The following PRKCE variants were observed in gnomAD, a reference collection of about 807,000 sequenced individuals.
The protein encoded by PRKCE is protein kinase C epsilon.
PRKCE carries 16 observed loss-of-function variants against 85.4 expected under a neutral mutation model. That is an observed-to-expected ratio of 0.19 (90% confidence interval 0.13 to 0.28). The LOEUF is 0.28. PRKCE is among the 10% of genes least tolerant of loss of function. The probability of loss-of-function intolerance (pLI) is 1.00; values close to 1 mark genes in which losing one functional copy is unlikely to be tolerated. For missense variants in PRKCE, 573 were observed against 975.2 expected (o/e 0.59, Z 5.49); for synonymous variants, 388 against 371.5 (o/e 1.04, Z -0.51).
At chr2:45,999,240 C>G (rs776569987) in intron 6 of PRKCE, among the ~76,000 whole-genome samples, 2 of 152,150 alleles carry the variant, frequency 1.3e-5, no homozygotes, top group Non-Finnish European at 2.9e-5. Flanking sequence ...CTCTGAAGAA[C>G]TACTTTTAAC....
At chr2:46,071,142 C>T (rs1294432178) in intron 10 of PRKCE, among the ~76,000 whole-genome samples, 1 of 152,190 alleles carries the variant, frequency 6.6e-6, no homozygotes, top group Non-Finnish European at 1.5e-5. Flanking sequence ...TTGACACCTT[C>T]CCCCTAAATC....
chr2:45,878,457 C>G (rs970732611), intron 2 of PRKCE, among the ~76,000 whole-genome samples: 1 of 152,188 alleles, frequency 6.6e-6, no homozygotes, highest in African/African-American at 2.4e-5. Context: ...TTCACTTGCG[C>G]CTCATCTTTG....
intron 1 of PRKCE, among the ~76,000 whole-genome samples, chr2:45,782,557 C>G (rs375343227): frequency 6.6e-6 from 1 of 152,102 alleles, no homozygotes; most frequent in South Asian, 2.1e-4. Flanking sequence ...TGAATCTAGC[C>G]TCTAGGGAAA....
chr2:45,655,278 T>A (rs1239498089), intron 1 of PRKCE, among the ~76,000 whole-genome samples: 4 of 152,174 alleles, frequency 2.6e-5, no homozygotes, highest in Admixed American at 6.5e-5. Context: ...GTTAGCCACA[T>A]GTGGCCCGGG....
intron 11 of PRKCE, among the ~76,000 whole-genome samples, chr2:46,129,396 T>C (rs1354222767): frequency 1.3e-5 from 2 of 152,218 alleles, no homozygotes; most frequent in Admixed American, 1.3e-4. Context: ...GCATGTACGT[T>C]CACAGCACTT....
At chr2:45,917,197 T>G (rs986618073) in intron 2 of PRKCE, among the ~76,000 whole-genome samples, 1 of 152,108 alleles carries the variant, frequency 6.6e-6, no homozygotes, top group Non-Finnish European at 1.5e-5. Flanking sequence ...ACACAAAAGT[T>G]TTCCACGTCC....
At chr2:46,010,183 C>T (rs1428846377) in intron 9 of PRKCE, among the ~76,000 whole-genome samples, 161 bp from the exon 10 acceptor site, 1 of 152,208 alleles carries the variant, frequency 6.6e-6, no homozygotes, top group African/African-American at 2.4e-5. Context: ...CTACCTCAGC[C>T]TCCCAAGTAT....
chr2:46,001,775 G>A lies in PRKCE; in HGVS notation c.966+229G>A, dbSNP rs755569445. Among the ~76,000 whole-genome samples the A allele has an allele frequency of 2.0e-5, 3 of 152,166 alleles. No individual in the cohort carries two copies. The highest frequency in any genetic ancestry group is 2.9e-5 in the Non-Finnish European group (2 of 68,018). On this transcript the variant is annotated intron_variant, in intron 7 of 14. Transcript: ENST00000306156. This position sits in a 1 kb window ranked among gnomAD's most constrained non-coding sequence, Gnocchi z 4.4. ...AAACACAGCAAGCCTCAAGGGTTACGTTTGCCAAAGAAACATAAACTTTGA... is the reference window on the plus strand; with the variant it reads ...AAACACAGCAAGCCTCAAGGGTTACATTTGCCAAAGAAACATAAACTTTGA...
At chr2:45,743,547 CA>C (rs1435753564) in intron 1 of PRKCE, among the ~76,000 whole-genome samples, 1 of 151,824 alleles carries the variant, frequency 6.6e-6, no homozygotes, top group Non-Finnish European at 1.5e-5. Flanking sequence ...AGAAAGGAAC[CA>C]GGGGGAGCTG....
chr2:45,757,437 C>T (rs1052405180), intron 1 of PRKCE, among the ~76,000 whole-genome samples: 3 of 151,568 alleles, frequency 2.0e-5, no homozygotes, highest in Admixed American at 6.6e-5. Flanking sequence ...GAGGCCAAGG[C>T]AGGAGAATTG....
At chr2:46,179,937 G>C (rs144550547) in intron 14 of PRKCE, among the ~76,000 whole-genome samples, 1 of 152,322 alleles carries the variant, frequency 6.6e-6, no homozygotes, top group East Asian at 1.9e-4. Context: ...ACTGGCTCTA[G>C]ATAAAGTAGC....
chr2:46,032,106 A>T (rs1707563943), intron 10 of PRKCE, among the ~76,000 whole-genome samples: 1 of 152,244 alleles, frequency 6.6e-6, no homozygotes, highest in African/African-American at 2.4e-5. Flanking sequence ...TAGTTAAAAC[A>T]TGTATGGCCT....
intron 2 of PRKCE, among the ~76,000 whole-genome samples, chr2:45,862,850 C>T (rs533790852): frequency 6.6e-6 from 1 of 152,310 alleles, no homozygotes; most frequent in South Asian, 2.1e-4. Flanking sequence ...GCAGGGTGCC[C>T]CTAGGCTCAA....
At chr2:45,819,575 G>T (rs1266860830) in intron 1 of PRKCE, among the ~76,000 whole-genome samples, 1 of 152,152 alleles carries the variant, frequency 6.6e-6, no homozygotes, top group Non-Finnish European at 1.5e-5. Context: ...GTTCCTTCTG[G>T]TTTTTCACGT....
At chr2:45,772,051 C>T (rs1685380352) in intron 1 of PRKCE, among the ~76,000 whole-genome samples, 1 of 152,122 alleles carries the variant, frequency 6.6e-6, no homozygotes, top group South Asian at 2.1e-4. Flanking sequence ...TGTGATTGTT[C>T]CCATTTGACA....
chr2:45,958,874 T>A (rs2104404009), intron 2 of PRKCE, among the ~76,000 whole-genome samples: 2 of 116,758 alleles, frequency 1.7e-5, no homozygotes, highest in East Asian at 2.8e-4. Context: ...CCTTTAGCCA[T>A]CACATTCCAA....
At chr2:46,074,284 T>G (rs975916779) in intron 10 of PRKCE, among the ~76,000 whole-genome samples, 1 of 151,806 alleles carries the variant, frequency 6.6e-6, no homozygotes, top group Non-Finnish European at 1.5e-5. Context: ...TACATGAGAT[T>G]GAAAAAAGTT....
At chr2:45,958,246 A>C (rs1179458654) in intron 2 of PRKCE, among the ~76,000 whole-genome samples, 1 of 150,218 alleles carries the variant, frequency 6.7e-6, no homozygotes, top group Non-Finnish European at 1.5e-5. Flanking sequence ...ATGGTGGCTC[A>C]CGCCTGTAAT....
At chr2:45,666,072 C>G (rs12618515) in intron 1 of PRKCE, among the ~76,000 whole-genome samples, 1 of 152,154 alleles carries the variant, frequency 6.6e-6, no homozygotes, top group Non-Finnish European at 1.5e-5. Context: ...AGGACCGCTT[C>G]CTTCTCCTCC....
Sources: allele counts gnomAD v4.1 joint callset (sites outside exome capture counted in the v4.1 genomes callset), GRCh38; gene constraint gnomAD v4.1.1; non-coding constraint Gnocchi (gnomAD v3.1); transcripts MANE v1.5; gene names NCBI Gene and HGNC (gene_info 2026-07-23, HGNC 2026-07-21).